The following CHN2 variants were observed in gnomAD, a reference collection of about 807,000 sequenced individuals.
CHN2 encodes the protein beta-chimaerin.
CHN2 carries 35 observed loss-of-function variants against 56.3 expected under a neutral mutation model. The observed-to-expected ratio is 0.62, with a 90% confidence interval of 0.47 to 0.82. The LOEUF (loss-of-function observed/expected upper bound fraction) is 0.82, where lower values mean the gene tolerates loss of function less well. CHN2 is among the 40% of genes least tolerant of loss of function. CHN2 has a pLI of 0.00. For missense variants in CHN2, 491 were observed against 580.5 expected, an observed-to-expected ratio of 0.85 and a Z score of 1.58; for synonymous variants, 210 against 212.8, an observed-to-expected ratio of 0.99 and a Z score of 0.12.
intron 8 of CHN2, among the ~76,000 whole-genome samples, chr7:29,497,962 C>T (rs1789482607): frequency 6.6e-6 from 1 of 152,060 alleles, no homozygotes; most frequent in African/African-American, 2.4e-5. Context: ...GAAAAAAGTT[C>T]TGGAGATGGC....
At chr7:29,211,634 G>A (rs1784966640) in intron 1 of CHN2, among the ~76,000 whole-genome samples, 1 of 152,170 alleles carries the variant, frequency 6.6e-6, no homozygotes, top group Non-Finnish European at 1.5e-5. Flanking sequence ...CTAGAGTGGT[G>A]ATGGGCACTT....
At chr7:29,309,717 T>C (rs1308189848) in intron 1 of CHN2, among the ~76,000 whole-genome samples, 1 of 152,268 alleles carries the variant, frequency 6.6e-6, no homozygotes, top group Non-Finnish European at 1.5e-5. Flanking sequence ...CTGATGGGAA[T>C]AGGTTCTGGC....
rs189583823 is a variant in CHN2, at chr7:29,223,479, C to T, written c.49+28489C>T. ...CTTCATAGCTGTAAATTAATTTTGC[C>T]TGTTTTTGAATTTTATATGCATGGA... On this transcript the variant is annotated intron_variant, in intron 1 of 12. Transcript: ENST00000222792. Among the ~76,000 whole-genome samples the T allele has an allele frequency of 1.5e-3, 232 of 152,186 alleles. 1 individual carries two copies. The highest frequency in any genetic ancestry group is 5.2e-3 in the African/African-American group (217 of 41,532).
At chr7:29,341,393 T>TA (rs1194850160) in intron 1 of CHN2, among the ~76,000 whole-genome samples, 1 of 152,154 alleles carries the variant, frequency 6.6e-6, no homozygotes, top group Non-Finnish European at 1.5e-5. Flanking sequence ...CACCAATTGT[T>TA]ATGGATGGTG....
intron 6 of CHN2, among the ~76,000 whole-genome samples, chr7:29,410,538 T>C (rs1803104800): frequency 6.6e-6 from 1 of 152,180 alleles, no homozygotes; most frequent in Non-Finnish European, 1.5e-5. Flanking sequence ...AGTTTTTTAA[T>C]TGGTAAGCGT....
intron 1 of CHN2, among the ~76,000 whole-genome samples, chr7:29,306,747 C>T (rs1010907896): frequency 6.6e-5 from 10 of 152,160 alleles, no homozygotes; most frequent in Admixed American, 1.3e-4. Flanking sequence ...TAAGAATTGC[C>T]GTGAACTCCC....
intron 6 of CHN2, among the ~76,000 whole-genome samples, chr7:29,415,087 C>T (rs1209135248): frequency 6.6e-6 from 1 of 152,306 alleles, no homozygotes; most frequent in South Asian, 2.1e-4. Context: ...ATTCATTGAG[C>T]CCCTAATCTG....
chr7:29,260,231 C>T (rs1475896002), intron 1 of CHN2, among the ~76,000 whole-genome samples: 2 of 152,156 alleles, frequency 1.3e-5, no homozygotes, highest in Non-Finnish European at 2.9e-5. Context: ...CCCATCTTGG[C>T]CTCCCAAAGT....
At chr7:29,222,952 G>A (rs1233320657) in intron 1 of CHN2, among the ~76,000 whole-genome samples, 1 of 152,150 alleles carries the variant, frequency 6.6e-6, no homozygotes, top group Non-Finnish European at 1.5e-5. Context: ...ACAGATATAT[G>A]CATATCTGAC....
intron 1 of CHN2, among the ~76,000 whole-genome samples, chr7:29,279,006 AC>A (rs1469695200): frequency 1.4e-5 from 2 of 145,316 alleles, no homozygotes; most frequent in African/African-American, 5.1e-5. Flanking sequence ...TCCCCCCCCA[AC>A]CCCCACCTTC....
intron 6 of CHN2, among the ~76,000 whole-genome samples, chr7:29,411,229 G>C (rs199653027): frequency 1.3e-5 from 2 of 152,116 alleles, no homozygotes; most frequent in Non-Finnish European, 2.9e-5. Context: ...TCTCTTCTCC[G>C]TACAGAGGAA....
chr7:29,231,362 T>A (rs1291248110), intron 1 of CHN2, among the ~76,000 whole-genome samples: 1 of 152,216 alleles, frequency 6.6e-6, no homozygotes, highest in East Asian at 1.9e-4. Context: ...AGAAAAGGTG[T>A]GTGTTTCGGA....
At chr7:29,422,601 T>C (rs1300963770) in intron 6 of CHN2, among the ~76,000 whole-genome samples, 3 of 152,240 alleles carry the variant, frequency 2.0e-5, no homozygotes, top group African/African-American at 7.2e-5. Flanking sequence ...AAAAGGAGTA[T>C]TTACTTAGAA....
intron 1 of CHN2, chr7:29,213,342 T>C: frequency 1.5e-6 from 1 of 669,230 alleles, no homozygotes; most frequent in South Asian, 1.7e-5. Flanking sequence ...CCATTATGCC[T>C]ATCCAGTCAA....
rs537310326 is a variant in CHN2 at position 29,508,676 on chromosome 7, A to T, written c.1130-625A>T. On this transcript the variant is annotated intron_variant, in intron 11 of 12. Coordinates refer to ENST00000222792, the MANE Select transcript of CHN2 (RefSeq NM_004067.4). ...GGAGGGTTTTCTTTGAGTAGCTGCC[A>T]GTACCTATCAGAGACCCAAAAGCCA... 5.5e-4 allele frequency among the ~76,000 whole-genome samples: 84 copies of T among 152,248 alleles called. No homozygotes were observed. In the South Asian group the frequency reaches 8.7e-3, roughly 16 times the overall value.
chr7:29,358,104 T>C (rs145351935), intron 2 of CHN2, among the ~76,000 whole-genome samples: 69 of 152,354 alleles, frequency 4.5e-4, no homozygotes, highest in African/African-American at 1.5e-3. Context: ...AAAAATTTAT[T>C]ATTTGCAATG....
intron 1 of CHN2, among the ~76,000 whole-genome samples, chr7:29,354,383 T>C (rs1037665631): frequency 2.6e-5 from 4 of 152,182 alleles, no homozygotes; most frequent in African/African-American, 9.7e-5. Flanking sequence ...CTGGGCTCTA[T>C]GAAAATTGTT....
intron 2 of CHN2, among the ~76,000 whole-genome samples, chr7:29,152,048 G>T (rs1793667338): frequency 2.0e-5 from 3 of 152,122 alleles, no homozygotes; most frequent in South Asian, 4.1e-4. Flanking sequence ...CAGGTGCTCT[G>T]CTTACTCATA....
intron 6 of CHN2, among the ~76,000 whole-genome samples, chr7:29,423,884 T>C (rs1804587856): frequency 6.6e-6 from 1 of 152,162 alleles, no homozygotes; most frequent in Admixed American, 6.5e-5. Flanking sequence ...TGTAGCTGCA[T>C]CCTTTTTGGC....
Sources: allele counts gnomAD v4.1 joint callset (sites outside exome capture counted in the v4.1 genomes callset), GRCh38; gene constraint gnomAD v4.1.1; transcripts MANE v1.5; gene names NCBI Gene and HGNC (gene_info 2026-07-23, HGNC 2026-07-21).